HABP4: variants seen among roughly 807,000 people sequenced by gnomAD.
HABP4 encodes hyaluronan binding protein 4, also known as intracellular hyaluronan-binding protein 4.
In HABP4, 32 loss-of-function variants were observed where a neutral mutation model predicts 44.1. The observed-to-expected ratio is 0.73, with a 90% confidence interval of 0.55 to 0.97. The LOEUF is 0.97. HABP4 is among the 50% of genes least tolerant of loss of function. The pLI is 0.00. For missense variants in HABP4, 503 were observed against 561.9 expected (o/e 0.90, Z 1.06); for synonymous variants, 216 against 218.0 (o/e 0.99, Z 0.08).
chr9:96,465,316 A>G (rs757199480), intron 2 of HABP4, 21 bp from the exon 3 acceptor site: 4 of 1,553,162 alleles, frequency 2.6e-6, no homozygotes, highest in South Asian at 1.1e-5. Context: ...ACCAGTTTTT[A>G]TTATATCCAC....
At chr9:96,472,111 C>T (rs185337456) in intron 5 of HABP4, among the ~76,000 whole-genome samples, 37 of 152,076 alleles carry the variant, frequency 2.4e-4, no homozygotes, top group Admixed American at 8.5e-4. Context: ...AATACCCATG[C>T]GCCTTCAACT....
In HABP4 at chr9:96,465,510, T is replaced by G; in HGVS notation, c.674+12T>G. On this transcript the variant is annotated intron_variant, in intron 3 of 7. Coordinates refer to ENST00000375249, the MANE Select transcript of HABP4 (RefSeq NM_014282.4). ...GGGAATGACAAAATGTAAGTTTCTT[T>G]GTAAATGCTATTTTCACTTTAAGAT... 7.6e-6 allele frequency: 12 copies of G among 1,571,702 alleles called. No individual in the cohort carries two copies. The highest frequency in any genetic ancestry group is 1.1e-5 in the Non-Finnish European group (12 of 1,141,400).
At chr9:96,464,713 T>C (rs1031348129) in intron 2 of HABP4, among the ~76,000 whole-genome samples, 2 of 152,162 alleles carry the variant, frequency 1.3e-5, no homozygotes, top group Non-Finnish European at 2.9e-5. Flanking sequence ...AAGACAAAAG[T>C]TGCTATTGGG....
intron 5 of HABP4, among the ~76,000 whole-genome samples, chr9:96,474,631 A>T (rs1186019406): frequency 3.3e-5 from 5 of 152,136 alleles, no homozygotes; most frequent in African/African-American, 9.7e-5. Context: ...GTGCCGAGAG[A>T]TTCTTTTTTC....
At chr9:96,466,077 A>T (rs1832596041) in intron 4 of HABP4, among the ~76,000 whole-genome samples, 1 of 152,200 alleles carries the variant, frequency 6.6e-6, no homozygotes, top group South Asian at 2.1e-4. Context: ...ATGCCTCAAA[A>T]TGCTTTTTGT....
chr9:96,450,180 G>A lies in HABP4; in HGVS notation c.-100G>A, dbSNP rs1002073070. 9 of 1,167,178 alleles carry A rather than the reference G, an allele frequency of 7.7e-6. No homozygotes were observed. In the Admixed American group the frequency reaches 1.4e-4, roughly 18 times the overall value. 72.3% of individuals were successfully genotyped at this position (1,167,178 alleles called of 1,614,324 possible). A position where few individuals can be genotyped will look rare whatever the true frequency, so the allele number is the denominator to read the frequency against. Reference sequence around the variant, plus strand: ...GGGCCGGACAGGGTAGGGCCCGGAGGGCGGTGGCGGCGGAGCGGGCGGCAT... The same window carrying A: ...GGGCCGGACAGGGTAGGGCCCGGAGAGCGGTGGCGGCGGAGCGGGCGGCAT... On this transcript the variant is annotated 5_prime_UTR_variant, in exon 1 of 8. Coordinates refer to ENST00000375249, the MANE Select transcript of HABP4 (RefSeq NM_014282.4). The surrounding 1 kb of genome is among the most constrained non-coding windows in gnomAD (Gnocchi z 4.8).
intron 1 of HABP4, among the ~76,000 whole-genome samples, chr9:96,454,671 A>G (rs1309295688): frequency 2.0e-5 from 3 of 151,948 alleles, no homozygotes; most frequent in Non-Finnish European, 4.4e-5. Flanking sequence ...GATGGTCTCA[A>G]TCTCCTGATC....
chr9:96,450,257 G>T lies in HABP4; in HGVS notation c.-23G>T. 1 of 1,399,010 alleles carries T rather than the reference G, an allele frequency of 7.1e-7. No homozygotes were observed. The highest frequency in any genetic ancestry group is 9.4e-7 in the Non-Finnish European group (1 of 1,064,456). The allele number at this position is 1,399,010 out of a possible 1,614,324, so 86.7% of individuals were successfully genotyped here. A position where few individuals can be genotyped will look rare whatever the true frequency, so the allele number is the denominator to read the frequency against. On this transcript the variant is annotated 5_prime_UTR_variant, in exon 1 of 8. Transcript: ENST00000375249. This position sits in a 1 kb window ranked among gnomAD's most constrained non-coding sequence, Gnocchi z 4.8. ...ACGCGCTCGCGTGGGCTGCCCTCCC[G>T]GGCCCGCAGTGGTCGCGGCGGCATG...
chr9:96,455,180 G>A (rs1018506129), intron 1 of HABP4, among the ~76,000 whole-genome samples: 1 of 152,186 alleles, frequency 6.6e-6, no homozygotes. Flanking sequence ...GCTGGGTGCA[G>A]TGGCTTATGT....
intron 5 of HABP4, among the ~76,000 whole-genome samples, chr9:96,479,357 A>C (rs1274593592): frequency 7.3e-6 from 1 of 136,594 alleles, no homozygotes; most frequent in Non-Finnish European, 1.5e-5. Context: ...CATTTGAAAT[A>C]GTTCTCTTGA....
At chr9:96,471,389 C>T (rs541619140) in intron 5 of HABP4, among the ~76,000 whole-genome samples, 17 of 152,206 alleles carry the variant, frequency 1.1e-4, no homozygotes, top group East Asian at 5.8e-4. Context: ...GTGATCCATC[C>T]GCTTCAGCCT....
chr9:96,490,091 C>A lies in HABP4; in HGVS notation c.*53C>A. 1 of 1,050,822 alleles carries A rather than the reference C, an allele frequency of 9.5e-7. No homozygotes were observed. Among genetic ancestry groups the A allele is most frequent in the Non-Finnish European group, 1.5e-6 (1 of 665,808 alleles). The allele number at this position is 1,050,822 out of a possible 1,614,324, so 65.1% of individuals were successfully genotyped here. ...GCTGCACTGCACACCTGTGGGGAGA[C>A]TTTTCCAGCTGGGCCAAGGGAGTCA... On this transcript the variant is annotated 3_prime_UTR_variant, in exon 8 of 8. Transcript: ENST00000375249.
chr9:96,470,739 CA>C (rs910337802), intron 4 of HABP4, among the ~76,000 whole-genome samples: 1 of 150,814 alleles, frequency 6.6e-6, no homozygotes, highest in African/African-American at 2.4e-5. Context: ...ACCAAAAATA[CA>C]AAAAAAATTA....
chr9:96,477,115 C>G (rs1342819098), intron 5 of HABP4, among the ~76,000 whole-genome samples: 2 of 152,144 alleles, frequency 1.3e-5, no homozygotes, highest in African/African-American at 4.8e-5. Context: ...CTGTTAATAA[C>G]AACTACTTCT....
intron 1 of HABP4, among the ~76,000 whole-genome samples, chr9:96,453,087 A>ATTTT (rs898977695): frequency 2.9e-4 from 27 of 92,578 alleles, no homozygotes; most frequent in African/African-American, 1.3e-3. Flanking sequence ...TGCCCGGCTA[A>ATTTT]TTTTTTTTTT....
At chr9:96,481,032 A>G (rs1427319023) in intron 5 of HABP4, among the ~76,000 whole-genome samples, 1 of 152,192 alleles carries the variant, frequency 6.6e-6, no homozygotes, top group Non-Finnish European at 1.5e-5. Flanking sequence ...CTTAAATTAC[A>G]TCAGCTCTTC....
intron 5 of HABP4, among the ~76,000 whole-genome samples, chr9:96,475,494 T>G (rs1832772483): frequency 6.6e-6 from 1 of 152,236 alleles, no homozygotes. Context: ...TTCAGTTCTT[T>G]GCCACTCCAT....
intron 1 of HABP4, among the ~76,000 whole-genome samples, chr9:96,457,454 G>A (rs1832414451): frequency 6.6e-6 from 1 of 152,238 alleles, no homozygotes; most frequent in Non-Finnish European, 1.5e-5. Flanking sequence ...TCTTGGGCAA[G>A]TTGCCAAATA....
Position 96,450,503 on chromosome 9 carries a change from C to T in HABP4, c.224C>T (p.Pro75Leu), listed in dbSNP as rs1250130228. ...GCCGGTCCCCGCGGCGGCAGGAGCC[C>T]AGCCGGGGCCTCGGGCCACAGAGCC... ...AGAGPRGGRS[P>L]AGASGHRAGA... is the part of the protein sequence containing the mutation. The change falls in exon 1 of 8, where the codon CCA becomes CTA. Residue 75 changes from proline to leucine, a missense_variant. By Grantham distance (98) the Pro-to-Leu change is moderately conservative (BLOSUM62 -3). Coordinates refer to ENST00000375249, the MANE Select transcript of HABP4 (RefSeq NM_014282.4). This position sits in a 1 kb window ranked among gnomAD's most constrained non-coding sequence, Gnocchi z 4.8. 6 of 1,214,214 alleles carry T rather than the reference C, an allele frequency of 4.9e-6. No individual in the cohort carries two copies. Among genetic ancestry groups the T allele is most frequent in the Non-Finnish European group, 6.1e-6 (6 of 976,484 alleles). 75.2% of individuals were successfully genotyped at this position (1,214,214 alleles called of 1,614,324 possible).
Sources: allele counts gnomAD v4.1 joint callset (sites outside exome capture counted in the v4.1 genomes callset), GRCh38; gene constraint gnomAD v4.1.1; non-coding constraint Gnocchi (gnomAD v3.1); transcripts MANE v1.5; gene names NCBI Gene and HGNC (gene_info 2026-07-23, HGNC 2026-07-21).